The following ALDH3B2 variants were observed in gnomAD, a reference collection of about 807,000 sequenced individuals.
ALDH3B2 encodes aldehyde dehydrogenase 3 family member B2.
A neutral mutation model predicts 36.7 loss-of-function variants in ALDH3B2; 45 were observed. The ratio of observed to expected loss-of-function variants is 1.23; its 90% CI spans 0.97 to 1.57. The LOEUF is 1.57. ALDH3B2 is among the 40% of genes most tolerant of loss of function. The pLI is 0.00. For synonymous variants in ALDH3B2, 217 were observed against 226.5 expected (o/e 0.96, Z 0.38); for missense variants, 464 against 513.3 (o/e 0.90, Z 0.93).
chr11:67,678,575 C>G (rs1769493164), upstream of ALDH3B2, among the ~76,000 whole-genome samples: 1 of 150,930 alleles, frequency 6.6e-6, no homozygotes, highest in African/African-American at 2.4e-5. Flanking sequence ...GATTTCATGA[C>G]CAAAGAAACT....
upstream of ALDH3B2, among the ~76,000 whole-genome samples, chr11:67,675,344 C>G (rs1363363643): frequency 2.6e-5 from 4 of 152,202 alleles, no homozygotes; most frequent in African/African-American, 9.7e-5. Context: ...GATCACAGCT[C>G]CTGGCACAAA....
chr11:67,669,842 A>G (rs1321871138), intron 1 of ALDH3B2, among the ~76,000 whole-genome samples: 9 of 48,038 alleles, frequency 1.9e-4, no homozygotes, highest in Non-Finnish European at 3.3e-4. Context: ...CTGTGTGTGT[A>G]TGGGTGTGTG....
At chr11:67,673,731 T>A (rs1382654612) in intron 1 of ALDH3B2, 1 of 152,138 alleles carries the variant, frequency 6.6e-6, no homozygotes, top group Non-Finnish European at 1.5e-5. Context: ...CTATTATTAT[T>A]ACCCAGTTGG....
chr11:67,667,454 C>G lies in ALDH3B2; in HGVS notation c.-82+19G>C, dbSNP rs892634362. On this transcript the variant is annotated intron_variant, in intron 2 of 9. Coordinates refer to ENST00000349015, the Ensembl canonical transcript of ALDH3B2. Reference sequence around the variant, plus strand: ...GACGCTGCTCCAGCCCCTGCCGGGGCCCACTCTCCACGGCCCACCTTATGC... The same window carrying G: ...GACGCTGCTCCAGCCCCTGCCGGGGGCCACTCTCCACGGCCCACCTTATGC... 8.1e-6 allele frequency: 3 copies of G among 369,080 alleles called. No individual in the cohort carries two copies. The highest frequency in any genetic ancestry group is 6.4e-5 in the African/African-American group (3 of 47,238). The allele number at this position is 369,080 out of a possible 1,614,324, so 22.9% of individuals were successfully genotyped here.
At chr11:67,669,181 T>C (rs914971152) in intron 1 of ALDH3B2, among the ~76,000 whole-genome samples, 1 of 151,496 alleles carries the variant, frequency 6.6e-6, no homozygotes, top group Non-Finnish European at 1.5e-5. Context: ...TTCATGTGTA[T>C]GGCTATGTGT....
chr11:67,669,617 G>A (rs1856027582), intron 1 of ALDH3B2, among the ~76,000 whole-genome samples: 1 of 145,718 alleles, frequency 6.9e-6, no homozygotes, highest in Admixed American at 6.8e-5. Flanking sequence ...CTGTGTATGG[G>A]TGTTATATGT....
At chr11:67,675,168 G>A (rs943833251), upstream of ALDH3B2, among the ~76,000 whole-genome samples, 4 of 152,158 alleles carry the variant, frequency 2.6e-5, no homozygotes, top group African/African-American at 7.2e-5. Context: ...GATGGGCGAC[G>A]GCACCTGTAG....
At chr11:67,664,730 C>A (rs572399505) in intron 7 of ALDH3B2, among the ~76,000 whole-genome samples, 168 bp from the exon 8 acceptor site, 1 of 152,314 alleles carries the variant, frequency 6.6e-6, no homozygotes, top group African/African-American at 2.4e-5. Flanking sequence ...AGTTTCCCCA[C>A]AGCCCCCCAG....
chr11:67,663,852 C>A lies in ALDH3B2; in HGVS notation c.874-91G>T, dbSNP rs1203779057. On this transcript the variant is annotated intron_variant, in intron 8 of 9. Transcript: ENST00000349015. ...TTCCACAGCGGAGGTGAGCCTCATC[C>A]TCACCTGCCCCTCCACCCTCTAACG... 3 of 1,051,310 alleles carry A rather than the reference C, an allele frequency of 2.9e-6. No individual in the cohort carries two copies. The African/African-American group carries it at 4.8e-5, about 17-fold the overall frequency. 65.1% of individuals were successfully genotyped at this position (1,051,310 alleles called of 1,614,324 possible). A position where few individuals can be genotyped will look rare whatever the true frequency, so the allele number is the denominator to read the frequency against.
At chr11:67,662,228 G>A (rs1855764223) in exon 10 of ALDH3B2, 1 of 152,274 alleles carries the variant, frequency 6.6e-6, no homozygotes, top group African/African-American at 2.4e-5. Flanking sequence ...TGCTTGGAAG[G>A]ATCCCAGGCA....
rs184185910 is a variant in ALDH3B2 at position 67,666,537 on chromosome 11, G to A, written c.151+37C>T. On this transcript the variant is annotated intron_variant, in intron 4 of 9. Transcript: ENST00000349015. ...GGGGCCTCTTTGGGAGGGGCTACTG[G>A]GCGGGGAGAGCATGGGGTTCGGAAC... is the stretch of plus-strand genomic sequence containing the variant. 1.3e-3 allele frequency: 2,065 copies of A among 1,613,016 alleles called. 28 individuals carry two copies. In the African/African-American group the frequency reaches 0.025, roughly 20 times the overall value.
Position 67,670,723 on chromosome 11 carries a change from C to T in ALDH3B2, c.-244-3088G>A, listed in dbSNP as rs187809797. ...ACAGGAAGCCATGCTGGGCACCTTC[C>T]TGGCCACACCTGCAGATGCCGCCTC... On this transcript the variant is annotated intron_variant, in intron 1 of 9. Transcript: ENST00000349015. 3.0e-4 allele frequency among the ~76,000 whole-genome samples: 45 copies of T among 152,274 alleles called. No homozygotes were observed. In the East Asian group the frequency reaches 8.5e-3, roughly 29 times the overall value.
At chr11:67,670,014 C>T (rs575647934) in intron 1 of ALDH3B2, among the ~76,000 whole-genome samples, 5 of 22,252 alleles carry the variant, frequency 2.2e-4, no homozygotes, top group African/African-American at 5.3e-4. Context: ...CCACGTGTGT[C>T]TGTGTGTGTA....
chr11:67,662,241 C>T (rs1165384797), exon 10 of ALDH3B2: 1 of 152,266 alleles, frequency 6.6e-6, no homozygotes, highest in Non-Finnish European at 1.5e-5. Flanking sequence ...CCCAGGCATA[C>T]ACAGAGGGCC....
chr11:67,681,163 T>G (rs1350256888), intron 1 of ALDH3B2: 1 of 152,274 alleles, frequency 6.6e-6, no homozygotes, highest in Non-Finnish European at 1.5e-5. Context: ...TAGGGAGGTC[T>G]CAGGAAACTT....
intron 2 of ALDH3B2, 127 bp from the exon 3 acceptor site, chr11:67,667,143 C>T: frequency 1.6e-6 from 1 of 614,810 alleles, no homozygotes; most frequent in Non-Finnish European, 2.9e-6. Flanking sequence ...ATGGGAGGCA[C>T]TGCCGTCCCC....
exon 10 of ALDH3B2, chr11:67,663,037 GAT>G: frequency 1.2e-6 from 1 of 800,334 alleles, no homozygotes; most frequent in Non-Finnish European, 2.0e-6. Context: ...GCGTCCCCCA[GAT>G]AGAAGCAAGA....
At chr11:67,672,232 C>T (rs1362184613) in intron 1 of ALDH3B2, among the ~76,000 whole-genome samples, 1 of 149,472 alleles carries the variant, frequency 6.7e-6, no homozygotes. Flanking sequence ...ACTGCAATCT[C>T]CATCTCCCGG....
At chr11:67,671,127 T>C (rs887457499) in intron 1 of ALDH3B2, 1 of 152,394 alleles carries the variant, frequency 6.6e-6, no homozygotes. Context: ...AAGACCCGGA[T>C]TGGAGGAGTC....
Sources: gnomAD v4.1 joint callset for allele counts (sites outside exome capture counted in the v4.1 genomes callset) on GRCh38, gnomAD v4.1.1 for gene constraint, MANE v1.5 for transcripts, NCBI Gene and HGNC (gene_info 2026-07-23, HGNC 2026-07-21) for gene names.